Variants in TAFA2 observed in about 807,000 individuals in gnomAD.
TAFA2 encodes the protein chemokine-like protein TAFA-2.
TAFA2 carries 7 observed loss-of-function variants against 18.8 expected under a neutral mutation model. That is an observed-to-expected ratio of 0.37 (90% CI 0.21 to 0.70). The LOEUF is 0.70. Among genes scored for constraint, TAFA2 ranks in the 30% least tolerant of loss-of-function variants. The probability of loss-of-function intolerance (pLI) is 0.53; values close to 1 mark genes in which losing one functional copy is unlikely to be tolerated. For synonymous variants in TAFA2, 60 were observed against 54.2 expected, an observed-to-expected ratio of 1.11 and a Z score of -0.47; for missense variants, 122 against 158.1, an observed-to-expected ratio of 0.77 and a Z score of 1.23.
intron 1 of TAFA2, among the ~76,000 whole-genome samples, chr12:61,943,380 A>G (rs1188281664): frequency 6.6e-6 from 1 of 151,352 alleles, no homozygotes; most frequent in African/African-American, 2.4e-5. Flanking sequence ...CGAGACTAGG[A>G]AGAAACTGCA....
chr12:62,144,291 T>A (rs577714264), intron 1 of TAFA2, among the ~76,000 whole-genome samples: 36 of 152,240 alleles, frequency 2.4e-4, no homozygotes, highest in Admixed American at 3.3e-4. Context: ...TAGTGTTGAA[T>A]ATCACTATTG....
At chr12:61,924,942 C>G (rs1877215529) in intron 1 of TAFA2, among the ~76,000 whole-genome samples, 1 of 152,098 alleles carries the variant, frequency 6.6e-6, no homozygotes, top group Non-Finnish European at 1.5e-5. Flanking sequence ...CAATCCTAGT[C>G]TCTGATGAAA....
At chr12:61,977,637 A>G (rs950395325) in intron 1 of TAFA2, among the ~76,000 whole-genome samples, 7 of 152,108 alleles carry the variant, frequency 4.6e-5, no homozygotes, top group African/African-American at 1.7e-4. Context: ...TATAGTTGGT[A>G]GACCAGCGAA....
At chr12:62,045,212 A>T (rs886570598) in intron 1 of TAFA2, among the ~76,000 whole-genome samples, 1 of 152,210 alleles carries the variant, frequency 6.6e-6, no homozygotes, top group Non-Finnish European at 1.5e-5. Flanking sequence ...AATTGATTTC[A>T]TTCATGCTCC....
At chr12:62,147,326 G>GTATATATATA (rs1219861920) in intron 1 of TAFA2, among the ~76,000 whole-genome samples, 2 of 19,552 alleles carry the variant, frequency 1.0e-4, no homozygotes, top group African/African-American at 2.5e-4. Flanking sequence ...GTGTATGTAT[G>GTATATATATA]TATATATATA....
Position 61,941,570 on chromosome 12 carries a change from C to A in TAFA2, c.-1-74144G>T, listed in dbSNP as rs544863538. On this transcript the variant is annotated intron_variant, in intron 1 of 4. Coordinates refer to ENST00000416284, the MANE Select transcript of TAFA2 (RefSeq NM_178539.5). ...GTTCATCTCACTAGGGAGTGCCAGA[C>A]AGTGGGCGCAGGCCAGTGGGTGCGT... Among the ~76,000 whole-genome samples the A allele has an allele frequency of 3.3e-5, 5 of 152,320 alleles. No individual in the cohort carries two copies. In the South Asian group the frequency reaches 1.0e-3, roughly 32 times the overall value.
chr12:62,046,169 A>G (rs1218413599), intron 1 of TAFA2, among the ~76,000 whole-genome samples: 1 of 152,152 alleles, frequency 6.6e-6, no homozygotes, highest in Non-Finnish European at 1.5e-5. Flanking sequence ...CCAAAAGATT[A>G]AAGTGTGTTT....
At chr12:62,204,168 A>G (rs775956054) in intron 1 of TAFA2, among the ~76,000 whole-genome samples, 11 of 151,872 alleles carry the variant, frequency 7.2e-5, no homozygotes, top group Non-Finnish European at 1.2e-4. Flanking sequence ...ATTGGCCCCC[A>G]ATCTCTTCTG....
At chr12:62,099,683 T>C in intron 1 of TAFA2, among the ~76,000 whole-genome samples, 1 of 152,152 alleles carries the variant, frequency 6.6e-6, no homozygotes. Flanking sequence ...AGGCAAATAA[T>C]ACACCAAGAG....
intron 1 of TAFA2, chr12:61,880,148 G>T (rs561583398): frequency 2.4e-5 from 14 of 573,368 alleles, no homozygotes; most frequent in African/African-American, 2.2e-4. Context: ...CTGCAGCTGG[G>T]CTAAGGCTGA....
At chr12:61,905,903 C>T (rs1304993833) in intron 1 of TAFA2, among the ~76,000 whole-genome samples, 3 of 152,174 alleles carry the variant, frequency 2.0e-5, no homozygotes, top group Admixed American at 6.5e-5. Context: ...GAGCTCTCTG[C>T]TTTTCAATAC....
intron 1 of TAFA2, among the ~76,000 whole-genome samples, chr12:62,083,839 T>G (rs564305575): frequency 6.6e-6 from 1 of 152,176 alleles, no homozygotes; most frequent in Non-Finnish European, 1.5e-5. Flanking sequence ...AACATTTACA[T>G]TGTGTTAGTA....
intron 1 of TAFA2, among the ~76,000 whole-genome samples, chr12:61,930,300 C>T (rs553672587): frequency 1.3e-5 from 2 of 152,166 alleles, no homozygotes; most frequent in African/African-American, 4.8e-5. Context: ...TTTCCCAGAG[C>T]ACAAATGAAG....
chr12:62,062,565 G>T (rs546243613), intron 1 of TAFA2, among the ~76,000 whole-genome samples: 10 of 152,102 alleles, frequency 6.6e-5, no homozygotes, highest in Non-Finnish European at 1.5e-4. Context: ...TGCTTGGAAC[G>T]GTATGGAGAC....
intron 2 of TAFA2, among the ~76,000 whole-genome samples, chr12:61,829,204 C>T (rs1376364990): frequency 6.6e-6 from 1 of 151,692 alleles, no homozygotes; most frequent in Non-Finnish European, 1.5e-5. Context: ...TAGTACTGCA[C>T]TGAAGTTTGG....
intron 2 of TAFA2, among the ~76,000 whole-genome samples, chr12:61,800,667 T>G (rs557617336): frequency 6.6e-6 from 1 of 152,146 alleles, no homozygotes; most frequent in African/African-American, 2.4e-5. Context: ...AGAAGGAATG[T>G]TTAGATAGAA....
chr12:62,115,499 TAG>T (rs1450968685), intron 1 of TAFA2, among the ~76,000 whole-genome samples: 28 of 152,286 alleles, frequency 1.8e-4, no homozygotes, highest in African/African-American at 6.7e-4. Flanking sequence ...ATACGGAATA[TAG>T]AGTGTCATGT....
intron 2 of TAFA2, among the ~76,000 whole-genome samples, chr12:61,756,963 T>G (rs1869302609): frequency 6.6e-6 from 1 of 151,948 alleles, no homozygotes; most frequent in African/African-American, 2.4e-5. Flanking sequence ...GCTAAACAAT[T>G]GAAAGTTTGA....
At chr12:61,884,595 A>G (rs1307282432) in intron 1 of TAFA2, among the ~76,000 whole-genome samples, 1 of 152,198 alleles carries the variant, frequency 6.6e-6, no homozygotes, top group African/African-American at 2.4e-5. Context: ...GAGATGCTAA[A>G]TGGAAAGATT....
Sources: gnomAD v4.1 joint callset for allele counts (sites outside exome capture counted in the v4.1 genomes callset) on GRCh38, gnomAD v4.1.1 for gene constraint, MANE v1.5 for transcripts, NCBI Gene and HGNC (gene_info 2026-07-23, HGNC 2026-07-21) for gene names.